ADK: variants seen among roughly 807,000 people sequenced by gnomAD.
The protein encoded by ADK is N6,N6-dimethyladenosine kinase.
In ADK, 24 loss-of-function variants were observed where a neutral mutation model predicts 44.7. The observed-to-expected ratio is 0.54, with a 90% CI of 0.39 to 0.76. The LOEUF (loss-of-function observed/expected upper bound fraction) is 0.76, where lower values mean the gene tolerates loss of function less well. Among genes scored for constraint, ADK ranks in the 30% least tolerant of loss-of-function variants. ADK has a pLI of 0.00. For missense variants in ADK, 321 were observed against 425.1 expected (o/e 0.76, Z 2.15); for synonymous variants, 128 against 142.6 (o/e 0.90, Z 0.73).
At chr10:74,362,112 A>C (rs1309721763) in intron 4 of ADK, among the ~76,000 whole-genome samples, 1 of 152,056 alleles carries the variant, frequency 6.6e-6, no homozygotes, top group Non-Finnish European at 1.5e-5. Flanking sequence ...ATCTTTTTTC[A>C]GGTATGGAAA....
chr10:74,205,400 G>A (rs959979212), intron 2 of ADK, among the ~76,000 whole-genome samples: 1 of 152,128 alleles, frequency 6.6e-6, no homozygotes, highest in African/African-American at 2.4e-5. Flanking sequence ...AGAAGACTGG[G>A]CGTGGTGGCT....
intron 3 of ADK, among the ~76,000 whole-genome samples, chr10:74,258,786 T>G (rs1211038900): frequency 6.6e-6 from 1 of 152,168 alleles, no homozygotes; most frequent in Non-Finnish European, 1.5e-5. Context: ...TATAATATCT[T>G]TAGATGTTAA....
At chr10:74,465,249 T>C (rs747366342) in intron 6 of ADK, among the ~76,000 whole-genome samples, 1 of 152,280 alleles carries the variant, frequency 6.6e-6, no homozygotes, top group Non-Finnish European at 1.5e-5. Context: ...ATAGCAAGTA[T>C]AAAGTCTCTA....
rs186890529 is a variant in ADK at position 74,377,984 on chromosome 10, T to A, written c.274-16157T>A. 2.0e-5 allele frequency among the ~76,000 whole-genome samples: 3 copies of A among 152,258 alleles called. No homozygotes were observed. In the East Asian group the frequency reaches 5.8e-4, roughly 29 times the overall value. On this transcript the variant is annotated intron_variant, in intron 4 of 10. Coordinates refer to ENST00000539909, the MANE Select transcript of ADK (RefSeq NM_006721.4). Reference sequence around the variant, plus strand: ...AGTGACTAGTATAGAATTGTCACACTTGAGCTTTGGAGATGAGGTGTCTCA... The same window carrying A: ...AGTGACTAGTATAGAATTGTCACACATGAGCTTTGGAGATGAGGTGTCTCA...
intron 6 of ADK, among the ~76,000 whole-genome samples, chr10:74,517,734 T>G (rs1336269725): frequency 6.6e-6 from 1 of 152,052 alleles, no homozygotes; most frequent in Non-Finnish European, 1.5e-5. Context: ...TATGTGATTT[T>G]CTGCTTCCAA....
chr10:74,167,660 T>C (rs1159127819), intron 1 of ADK, among the ~76,000 whole-genome samples: 1 of 152,182 alleles, frequency 6.6e-6, no homozygotes, highest in Non-Finnish European at 1.5e-5. Context: ...CTGGCAGCCC[T>C]CTCAAAGGCT....
intron 7 of ADK, among the ~76,000 whole-genome samples, chr10:74,576,122 A>T (rs12242814): frequency 0.046 from 7,018 of 152,262 alleles, 563 homozygotes; most frequent in African/African-American, 0.16. Flanking sequence ...TTAAAAACTG[A>T]ACTTTTAGAG....
chr10:74,617,789 ACTGT>A (rs1852833488), intron 9 of ADK, among the ~76,000 whole-genome samples: 1 of 151,976 alleles, frequency 6.6e-6, no homozygotes, highest in Non-Finnish European at 1.5e-5. Context: ...ACGAGGTCTC[ACTGT>A]CTTGCCCAGA....
At chr10:74,547,890 T>G (rs1849895120) in intron 7 of ADK, among the ~76,000 whole-genome samples, 1 of 152,200 alleles carries the variant, frequency 6.6e-6, no homozygotes, top group South Asian at 2.1e-4. Context: ...ACTCCCAACC[T>G]CAGGTGATCT....
chr10:74,648,571 G>T (rs930262112), intron 9 of ADK, among the ~76,000 whole-genome samples: 1 of 151,796 alleles, frequency 6.6e-6, no homozygotes, highest in Non-Finnish European at 1.5e-5. Flanking sequence ...CCTGCTACTC[G>T]GGAGGCTGAG....
intron 4 of ADK, among the ~76,000 whole-genome samples, chr10:74,350,386 G>A (rs1433606611): frequency 6.6e-6 from 1 of 151,874 alleles, no homozygotes; most frequent in African/African-American, 2.4e-5. Flanking sequence ...AAGAGAAAAC[G>A]TACCAAAATC....
chr10:74,578,956 G>A (rs1851287391), intron 7 of ADK, among the ~76,000 whole-genome samples: 1 of 152,110 alleles, frequency 6.6e-6, no homozygotes, highest in South Asian at 2.1e-4. Flanking sequence ...TACATGTTTG[G>A]TACAGGCTTA....
intron 6 of ADK, among the ~76,000 whole-genome samples, chr10:74,441,470 T>C (rs1393113920): frequency 6.6e-6 from 1 of 152,236 alleles, no homozygotes; most frequent in Non-Finnish European, 1.5e-5. Flanking sequence ...TTAATTATAA[T>C]AGTCAAAAGG....
At chr10:74,246,045 T>A (rs369206571) in intron 3 of ADK, among the ~76,000 whole-genome samples, 12 of 152,070 alleles carry the variant, frequency 7.9e-5, no homozygotes, top group African/African-American at 2.9e-4. Flanking sequence ...AAAATATTAT[T>A]GTCAGCCTGC....
At chr10:74,319,238 A>C (rs1840731723) in intron 4 of ADK, among the ~76,000 whole-genome samples, 1 of 152,236 alleles carries the variant, frequency 6.6e-6, no homozygotes, top group African/African-American at 2.4e-5. Context: ...GTTCAATATT[A>C]GTTTGCTAGG....
intron 9 of ADK, among the ~76,000 whole-genome samples, chr10:74,602,489 G>A (rs1032322764): frequency 5.3e-5 from 8 of 152,006 alleles, no homozygotes; most frequent in African/African-American, 1.7e-4. Flanking sequence ...CTTCCTTATT[G>A]TGAATTTGCA....
chr10:74,162,818 C>T (rs1459443130), intron 1 of ADK, among the ~76,000 whole-genome samples: 11 of 152,128 alleles, frequency 7.2e-5, no homozygotes, highest in Non-Finnish European at 1.3e-4. Context: ...TCTGGGATTA[C>T]AGGTGTGAGC....
chr10:74,291,419 AAAC>A (rs1245288806), intron 3 of ADK, among the ~76,000 whole-genome samples: 15 of 152,062 alleles, frequency 9.9e-5, no homozygotes, highest in South Asian at 6.2e-4. Context: ...TCCGTCTCAA[AAAC>A]AACAACAACA....
Position 74,160,690 on chromosome 10 carries a change from GGT to G in ADK, c.65+9374_65+9375del, listed in dbSNP as rs779393232. 6.0e-3 allele frequency among the ~76,000 whole-genome samples: 810 copies of G among 135,764 alleles called. 2 individuals carry two copies. The highest frequency in any genetic ancestry group is 0.011 in the South Asian group (48 of 4,290). 89.1% of individuals were successfully genotyped at this position (135,764 alleles called of 152,430 possible). A position where few individuals can be genotyped will look rare whatever the true frequency, so the allele number is the denominator to read the frequency against. ...GGGTGTGTGCGTGCATGCAGGTAGG[GGT>G]GTGTGTGTGTGTGTGTGTGTGTGTG... is the stretch of plus-strand genomic sequence containing the variant. On this transcript the variant is annotated intron_variant, in intron 1 of 10. Transcript: ENST00000539909.
Sources: allele counts gnomAD v4.1 joint callset (sites outside exome capture counted in the v4.1 genomes callset), GRCh38; gene constraint gnomAD v4.1.1; transcripts MANE v1.5; gene names NCBI Gene and HGNC (gene_info 2026-07-23, HGNC 2026-07-21).